The following NTM variants were observed in gnomAD, a reference collection of about 807,000 sequenced individuals.
NTM encodes the protein IgLON family member 2.
Under a neutral mutation model 42.1 loss-of-function variants are expected in NTM, and 13 were observed. That is an observed-to-expected ratio of 0.31 (90% confidence interval 0.20 to 0.49). NTM has a LOEUF of 0.49. Among genes scored for constraint, NTM ranks in the 20% least tolerant of loss-of-function variants. The pLI, the probability that NTM is intolerant of heterozygous loss-of-function variation, is 0.99. For synonymous variants in NTM, 187 were observed against 179.2 expected, an observed-to-expected ratio of 1.04 and a Z score of -0.35; for missense variants, 373 against 452.8, an observed-to-expected ratio of 0.82 and a Z score of 1.60.
At chr11:132,300,758 T>C (rs1346284707) in intron 4 of NTM, among the ~76,000 whole-genome samples, 3 of 152,350 alleles carry the variant, frequency 2.0e-5, no homozygotes, top group Admixed American at 2.0e-4. Context: ...CCCATCTGCC[T>C]GCCTGGGACC....
intron 1 of NTM, among the ~76,000 whole-genome samples, chr11:131,672,597 G>A (rs2070529557): frequency 6.6e-6 from 1 of 152,128 alleles, no homozygotes. Flanking sequence ...TCATGGTGCT[G>A]TAGGCTGGCA....
At chr11:132,129,029 G>A (rs567049987) in intron 2 of NTM, among the ~76,000 whole-genome samples, 1 of 151,552 alleles carries the variant, frequency 6.6e-6, no homozygotes, top group East Asian at 1.9e-4. Flanking sequence ...GGATGGGTTG[G>A]TGTCACAAGT....
At chr11:132,211,795 A>G (rs2082892511) in intron 3 of NTM, 1 of 356,736 alleles carries the variant, frequency 2.8e-6, no homozygotes, top group Non-Finnish European at 5.1e-6. Flanking sequence ...TTGCAGTAGA[A>G]TTTATTCCCA....
chr11:131,452,875 G>C (rs114444317), intron 1 of NTM, among the ~76,000 whole-genome samples: 2,963 of 152,304 alleles, frequency 0.019, 106 homozygotes, highest in African/African-American at 0.066. Context: ...TAAACTTTCA[G>C]CAGGTGTGCA....
At chr11:132,303,982 C>G (rs2094972855) in intron 4 of NTM, among the ~76,000 whole-genome samples, 1 of 152,102 alleles carries the variant, frequency 6.6e-6, no homozygotes, top group Non-Finnish European at 1.5e-5. Context: ...AGTTAGGTGA[C>G]CTACCCCATC....
intron 1 of NTM, among the ~76,000 whole-genome samples, chr11:131,789,636 A>AGGAGAAAAGAAG (rs1555127949): frequency 3.2e-5 from 1 of 30,900 alleles, no homozygotes; most frequent in African/African-American, 1.2e-4. Context: ...AAGAAGAAGA[A>AGGAGAAAAGAAG]AAGAAGAAGA....
At chr11:131,882,110 A>G (rs943239861) in intron 1 of NTM, among the ~76,000 whole-genome samples, 3 of 152,208 alleles carry the variant, frequency 2.0e-5, no homozygotes, top group African/African-American at 7.2e-5. Flanking sequence ...AGCAGAATAC[A>G]TATGTACATT....
At chr11:132,095,686 G>A (rs1384164022) in intron 2 of NTM, among the ~76,000 whole-genome samples, 3 of 152,298 alleles carry the variant, frequency 2.0e-5, no homozygotes, top group African/African-American at 4.8e-5. Flanking sequence ...GTGTCTAGGC[G>A]TGGTTGTCAC....
At chr11:131,714,291 C>T (rs924645654) in intron 1 of NTM, among the ~76,000 whole-genome samples, 4 of 152,072 alleles carry the variant, frequency 2.6e-5, no homozygotes, top group Admixed American at 6.6e-5. Flanking sequence ...AGGGTTCAAG[C>T]GATTCTCTGA....
intron 1 of NTM, among the ~76,000 whole-genome samples, chr11:131,419,333 C>A (rs1007880053): frequency 8.5e-5 from 13 of 152,090 alleles, no homozygotes; most frequent in Admixed American, 3.3e-4. Context: ...TTATTAGGTG[C>A]AAGTAAATTG....
intron 1 of NTM, among the ~76,000 whole-genome samples, chr11:131,705,475 A>G (rs895685432): frequency 1.3e-5 from 2 of 152,194 alleles, no homozygotes; most frequent in South Asian, 2.1e-4. Flanking sequence ...GAAATGCTCA[A>G]ATAAGTTCTT....
chr11:131,891,213 G>A (rs2051278788), intron 1 of NTM, among the ~76,000 whole-genome samples: 1 of 152,168 alleles, frequency 6.6e-6, no homozygotes, highest in South Asian at 2.1e-4. Flanking sequence ...TGTTCAATGT[G>A]CTATAGGAGA....
intron 1 of NTM, among the ~76,000 whole-genome samples, chr11:131,686,910 A>G (rs528872364): frequency 2.6e-5 from 4 of 152,316 alleles, no homozygotes; most frequent in Admixed American, 1.3e-4. Context: ...ATTAGAGGCA[A>G]TCATAACCCA....
At chr11:132,128,240 T>A (rs76688960) in intron 2 of NTM, among the ~76,000 whole-genome samples, 2 of 50,686 alleles carry the variant, frequency 3.9e-5, no homozygotes. Flanking sequence ...GTGAGTGTGT[T>A]TTTTTTTTTA....
chr11:131,883,789 C>T (rs544940506), intron 1 of NTM, among the ~76,000 whole-genome samples: 1 of 152,238 alleles, frequency 6.6e-6, no homozygotes, highest in South Asian at 2.1e-4. Context: ...AGTTGATTTT[C>T]AAGGTAAACT....
intron 2 of NTM, among the ~76,000 whole-genome samples, chr11:131,913,009 A>G (rs189134786): frequency 2.0e-4 from 30 of 152,036 alleles, no homozygotes; most frequent in Admixed American, 3.9e-4. Context: ...GCTCTGGTGA[A>G]CTCCTAGTTA....
chr11:131,812,781 G>A (rs1399915761), intron 1 of NTM, among the ~76,000 whole-genome samples: 4 of 152,168 alleles, frequency 2.6e-5, no homozygotes, highest in African/African-American at 4.8e-5. Flanking sequence ...AGTGGAGAGG[G>A]AAGATGACTG....
chr11:132,031,991 T>C (rs1269664505), intron 2 of NTM, among the ~76,000 whole-genome samples: 1 of 152,126 alleles, frequency 6.6e-6, no homozygotes, highest in Non-Finnish European at 1.5e-5. Flanking sequence ...GACTAGTCTT[T>C]CTTTATTTTT....
At position 131,928,873 on chromosome 11, in the gene NTM, C is replaced by A. The variant is rs943973169; in HGVS notation, c.167+17225C>A. 2.6e-5 allele frequency among the ~76,000 whole-genome samples: 4 copies of A among 152,270 alleles called. No homozygotes were observed. The East Asian group carries it at 7.7e-4, about 29-fold the overall frequency. On this transcript the variant is annotated intron_variant, in intron 2 of 8. Coordinates refer to ENST00000683400, the MANE Select transcript of NTM (RefSeq NM_001352005.2). ...TCCCTGACTCTTTCTCAACCACCCA[C>A]CCCTCAGCAAGTCAGGTGAAAATCC...
Sources: gnomAD v4.1 joint callset for allele counts (sites outside exome capture counted in the v4.1 genomes callset) on GRCh38, gnomAD v4.1.1 for gene constraint, MANE v1.5 for transcripts, NCBI Gene and HGNC (gene_info 2026-07-23, HGNC 2026-07-21) for gene names.